Variants in SOX5 observed in about 807,000 individuals in gnomAD.
SOX5 encodes transcription factor SOX-5.
SOX5 carries 9 observed loss-of-function variants against 92.0 expected under a neutral mutation model. The observed-to-expected ratio is 0.10, with a 90% CI of 0.06 to 0.17. SOX5 has a LOEUF of 0.17. Among genes scored for constraint, SOX5 ranks in the 10% least tolerant of loss-of-function variants. The pLI, the probability that SOX5 is intolerant of heterozygous loss-of-function variation, is 1.00. For synonymous variants in SOX5, 344 were observed against 336.3 expected, an observed-to-expected ratio of 1.02 and a Z score of -0.25; for missense variants, 642 against 944.5, an observed-to-expected ratio of 0.68 and a Z score of 4.20.
intron 4 of SOX5, among the ~76,000 whole-genome samples, chr12:24,054,127 A>AG (rs1197635636): frequency 6.6e-6 from 1 of 152,224 alleles, no homozygotes; most frequent in Admixed American, 6.5e-5. Flanking sequence ...GACTCCAGCT[A>AG]GGGAATTTGT....
At chr12:23,913,945 T>C (rs2097382406) in intron 1 of SOX5, among the ~76,000 whole-genome samples, 1 of 152,140 alleles carries the variant, frequency 6.6e-6, no homozygotes, top group Non-Finnish European at 1.5e-5. Flanking sequence ...TAGTCTATAG[T>C]GGTCTGATCC....
intron 1 of SOX5, among the ~76,000 whole-genome samples, chr12:24,427,693 A>G (rs1220822762): frequency 1.3e-5 from 2 of 152,236 alleles, no homozygotes; most frequent in Non-Finnish European, 2.9e-5. Flanking sequence ...CAACTACAGA[A>G]TCATCTCAGA....
At chr12:23,667,126 T>TG (rs1375088934) in intron 6 of SOX5, among the ~76,000 whole-genome samples, 1 of 151,688 alleles carries the variant, frequency 6.6e-6, no homozygotes, top group Non-Finnish European at 1.5e-5. Context: ...TGTGTGGTGG[T>TG]GGGGGCGGCA....
At chr12:23,689,888 G>GC (rs2140007799) in intron 6 of SOX5, among the ~76,000 whole-genome samples, 1 of 152,226 alleles carries the variant, frequency 6.6e-6, no homozygotes, top group Non-Finnish European at 1.5e-5. Flanking sequence ...CGCATTGCTG[G>GC]CACTGAGGCT....
At chr12:24,254,463 C>T (rs1462162339) in intron 3 of SOX5, among the ~76,000 whole-genome samples, 1 of 151,632 alleles carries the variant, frequency 6.6e-6, no homozygotes, top group Non-Finnish European at 1.5e-5. Context: ...CTTCCTTACC[C>T]ATGCTCCAAA....
At chr12:23,651,314 A>T (rs1042343581) in intron 7 of SOX5, among the ~76,000 whole-genome samples, 1 of 152,030 alleles carries the variant, frequency 6.6e-6, no homozygotes, top group Non-Finnish European at 1.5e-5. Context: ...CATTCTACAC[A>T]ATTTTTTAAA....
At chr12:24,553,815 T>G (rs1299967187) in intron 1 of SOX5, among the ~76,000 whole-genome samples, 1 of 152,208 alleles carries the variant, frequency 6.6e-6, no homozygotes, top group Non-Finnish European at 1.5e-5. Flanking sequence ...AGGAAGTCTC[T>G]AAAAATAAAT....
At chr12:24,108,043 G>A in intron 4 of SOX5, among the ~76,000 whole-genome samples, 1 of 152,172 alleles carries the variant, frequency 6.6e-6, no homozygotes, top group East Asian at 1.9e-4. Context: ...ATATTAAAGA[G>A]AACTTGCTAA....
At chr12:23,908,056 C>T (rs150919907) in intron 1 of SOX5, among the ~76,000 whole-genome samples, 108 of 152,204 alleles carry the variant, frequency 7.1e-4, no homozygotes, top group African/African-American at 2.5e-3. Flanking sequence ...AAATAAATAG[C>T]GAATTGTTCC....
chr12:24,129,056 C>G (rs1158299310), intron 4 of SOX5, among the ~76,000 whole-genome samples: 1 of 152,152 alleles, frequency 6.6e-6, no homozygotes, highest in East Asian at 1.9e-4. Flanking sequence ...TACTATTAAC[C>G]TACACAAACA....
chr12:23,871,653 A>T (rs190170947), intron 2 of SOX5, among the ~76,000 whole-genome samples: 108 of 152,274 alleles, frequency 7.1e-4, no homozygotes, highest in Admixed American at 2.9e-3. Flanking sequence ...CGTAAAAATA[A>T]ATAAATAAAT....
At chr12:24,344,013 A>G (rs1447084664) in intron 2 of SOX5, among the ~76,000 whole-genome samples, 1 of 152,094 alleles carries the variant, frequency 6.6e-6, no homozygotes, top group East Asian at 1.9e-4. Flanking sequence ...GGCCGGGTGC[A>G]GGGGCTCACA....
chr12:24,519,746 C>T (rs1950101663), intron 1 of SOX5, among the ~76,000 whole-genome samples: 1 of 152,114 alleles, frequency 6.6e-6, no homozygotes, highest in Admixed American at 6.5e-5. Context: ...AATGAAACCA[C>T]TGGAGGCTTT....
intron 6 of SOX5, among the ~76,000 whole-genome samples, chr12:23,671,107 A>C (rs898823386): frequency 6.6e-6 from 1 of 152,166 alleles, no homozygotes; most frequent in African/African-American, 2.4e-5. Context: ...CACAGGAATC[A>C]AAGAACTGGA....
At chr12:23,591,283 G>A (rs1186450259) in intron 9 of SOX5, among the ~76,000 whole-genome samples, 1 of 151,948 alleles carries the variant, frequency 6.6e-6, no homozygotes, top group Non-Finnish European at 1.5e-5. Flanking sequence ...TGATAACTAG[G>A]GTTCAATTAA....
chr12:23,905,877 G>A (rs1050155305), intron 1 of SOX5, among the ~76,000 whole-genome samples: 5 of 152,080 alleles, frequency 3.3e-5, no homozygotes, highest in South Asian at 2.1e-4. Context: ...CTTTACCTTC[G>A]ATCATTAAAA....
intron 1 of SOX5, among the ~76,000 whole-genome samples, chr12:23,903,834 G>A (rs2097263001): frequency 6.6e-6 from 1 of 152,114 alleles, no homozygotes; most frequent in Non-Finnish European, 1.5e-5. Flanking sequence ...ACTTTACTGT[G>A]TATTAAAGAT....
intron 4 of SOX5, among the ~76,000 whole-genome samples, chr12:23,968,555 C>A (rs936436213): frequency 6.6e-6 from 1 of 152,200 alleles, no homozygotes; most frequent in South Asian, 2.1e-4. Context: ...CCACCCCATT[C>A]TTCCATCTAC....
chr12:23,797,238 C>CA (rs1305960823), intron 3 of SOX5, among the ~76,000 whole-genome samples: 2 of 151,920 alleles, frequency 1.3e-5, no homozygotes, highest in Non-Finnish European at 2.9e-5. Flanking sequence ...ATCAGATTAA[C>CA]AGAGATACTT....
Sources: gnomAD v4.1 joint callset for allele counts (sites outside exome capture counted in the v4.1 genomes callset) on GRCh38, gnomAD v4.1.1 for gene constraint, MANE v1.5 for transcripts, NCBI Gene and HGNC (gene_info 2026-07-23, HGNC 2026-07-21) for gene names.